FGF7: variants seen among roughly 807,000 people sequenced by gnomAD.
FGF7 encodes the protein fibroblast growth factor 7.
A neutral mutation model predicts 20.5 loss-of-function variants in FGF7; 6 were observed. The ratio of observed to expected loss-of-function variants is 0.29; its 90% CI spans 0.16 to 0.58. The LOEUF is 0.58. FGF7 is among the 20% of genes least tolerant of loss of function. The pLI is 0.90. For missense variants in FGF7, 144 were observed against 228.8 expected (o/e 0.63, Z 2.39); for synonymous variants, 64 against 74.7 (o/e 0.86, Z 0.74).
intron 2 of FGF7, among the ~76,000 whole-genome samples, chr15:49,467,477 GGT>G (rs2054370656): frequency 6.6e-6 from 1 of 151,968 alleles, no homozygotes; most frequent in Non-Finnish European, 1.5e-5. Flanking sequence ...ATGAAAATCT[GGT>G]TTCCTGCTGA....
At chr15:49,461,754 T>G (rs906726370) in intron 2 of FGF7, among the ~76,000 whole-genome samples, 8 of 152,266 alleles carry the variant, frequency 5.3e-5, no homozygotes, top group Non-Finnish European at 7.3e-5. Flanking sequence ...AGATACCATG[T>G]GAAATTCAAG....
At chr15:49,465,627 T>A (rs2054202882) in intron 2 of FGF7, among the ~76,000 whole-genome samples, 2 of 152,110 alleles carry the variant, frequency 1.3e-5, no homozygotes, top group Admixed American at 1.3e-4. Context: ...AAACCAGAGA[T>A]ATTTGGGGTT....
intron 2 of FGF7, among the ~76,000 whole-genome samples, chr15:49,450,063 T>C (rs1341561071): frequency 6.6e-6 from 1 of 152,148 alleles, no homozygotes; most frequent in Non-Finnish European, 1.5e-5. Context: ...GCCAAAGTTG[T>C]ATAAATCCAT....
At chr15:49,454,210 G>C (rs1443265419) in intron 2 of FGF7, among the ~76,000 whole-genome samples, 1 of 152,088 alleles carries the variant, frequency 6.6e-6, no homozygotes, top group East Asian at 1.9e-4. Context: ...CAGAAATACA[G>C]ACTAAATAAA....
chr15:49,483,776 T>A (rs2056161794), intron 3 of FGF7, among the ~76,000 whole-genome samples: 1 of 152,100 alleles, frequency 6.6e-6, no homozygotes, highest in Non-Finnish European at 1.5e-5. Context: ...TTGGCTTTCC[T>A]TTGTATTCCC....
rs1157623124 is a variant in FGF7 at position 49,424,339 on chromosome 15, C to G, written c.42C>G (p.Leu14=). The change falls in exon 2 of 4, where the codon CTC becomes CTG. Residue 14 remains leucine, a synonymous_variant. Transcript: ENST00000267843. The part of the protein sequence containing the change: ...WILTWILPTL[L]YRSCFHIICL... ...TGACATGGATCCTGCCAACTTTGCTCTACAGATCATGCTTTCACATTATCT... is the reference window on the plus strand; with the variant it reads ...TGACATGGATCCTGCCAACTTTGCTGTACAGATCATGCTTTCACATTATCT... 2.5e-6 allele frequency: 4 copies of G among 1,613,588 alleles called. No homozygotes were observed. The highest frequency in any genetic ancestry group is 3.4e-6 in the Non-Finnish European group (4 of 1,179,646).
intron 2 of FGF7, among the ~76,000 whole-genome samples, chr15:49,434,843 A>T (rs909366422): frequency 6.6e-6 from 1 of 151,288 alleles, no homozygotes; most frequent in African/African-American, 2.4e-5. Context: ...ATTAATAAAA[A>T]ACTAATTAAT....
At chr15:49,461,566 T>C (rs1413117738) in intron 2 of FGF7, among the ~76,000 whole-genome samples, 1 of 152,242 alleles carries the variant, frequency 6.6e-6, no homozygotes, top group Non-Finnish European at 1.5e-5. Context: ...AAGAGCCACG[T>C]ACTTCTGTTT....
chr15:49,451,660 A>G (rs1167814383), intron 2 of FGF7, among the ~76,000 whole-genome samples: 1 of 152,186 alleles, frequency 6.6e-6, no homozygotes, highest in Non-Finnish European at 1.5e-5. Context: ...AACACAGCAC[A>G]AGCCAAACTG....
Position 49,446,427 on chromosome 15 carries a change from C to T in FGF7, c.286+21844C>T, listed in dbSNP as rs190147763. ...CCATAGGAAATAATTTGGTAAGTTA[C>T]GATAGTTGCTAGTAAGTTTCATATG... On this transcript the variant is annotated intron_variant, in intron 2 of 3. Transcript: ENST00000267843. 2.1e-3 allele frequency among the ~76,000 whole-genome samples: 321 copies of T among 151,482 alleles called. 2 individuals are homozygous for T. The highest frequency in any genetic ancestry group is 7.2e-3 in the African/African-American group (298 of 41,420).
chr15:49,425,548 G>A (rs912055252), intron 2 of FGF7: 7 of 151,866 alleles, frequency 4.6e-5, no homozygotes, highest in African/African-American at 1.7e-4. Flanking sequence ...CATATTAATT[G>A]TTTTAAAGTC....
intron 2 of FGF7, chr15:49,425,461 G>C (rs1290946451): frequency 6.6e-6 from 1 of 151,900 alleles, no homozygotes. Flanking sequence ...GTACATTAAG[G>C]ATTTAAAATA....
At position 49,485,875 on chromosome 15, in the gene FGF7, G is replaced by A. The variant is rs535938973; in HGVS notation, c.*1371G>A. 1.3e-5 allele frequency: 2 copies of A among 152,148 alleles called. No individual in the cohort carries two copies. Among genetic ancestry groups the A allele is most frequent in the African/African-American group, 4.8e-5 (2 of 41,546 alleles). The allele number at this position is 152,148 out of a possible 1,614,324, so 9.4% of individuals were successfully genotyped here. On this transcript the variant is annotated 3_prime_UTR_variant, in exon 4 of 4. Transcript: ENST00000267843. ...TTTCTAATCTCTAGAAATCTCTGCT[G>A]TTCAAAAGGTGGCAGCACTGAAAGT...
intron 2 of FGF7, among the ~76,000 whole-genome samples, chr15:49,450,413 A>G (rs890560867): frequency 6.6e-6 from 1 of 151,820 alleles, no homozygotes; most frequent in East Asian, 1.9e-4. Flanking sequence ...CCTTATACTG[A>G]CCCTTCAAAA....
chr15:49,437,722 T>C (rs537620072), intron 2 of FGF7, among the ~76,000 whole-genome samples: 43 of 151,846 alleles, frequency 2.8e-4, no homozygotes, highest in Non-Finnish European at 5.5e-4. Flanking sequence ...ACTGAGCATA[T>C]ATTACGTATT....
chr15:49,437,902 C>T (rs1486386291), intron 2 of FGF7, among the ~76,000 whole-genome samples: 1 of 151,530 alleles, frequency 6.6e-6, no homozygotes, highest in African/African-American at 2.4e-5. Flanking sequence ...CTAACAGAAC[C>T]TGGGAGAGAA....
intron 2 of FGF7, among the ~76,000 whole-genome samples, chr15:49,477,170 AAC>A (rs2055418001): frequency 6.6e-6 from 1 of 152,182 alleles, no homozygotes. Context: ...CATTTATTAC[AAC>A]AGATGAGCCA....
chr15:49,484,462 A>G lies in FGF7; in HGVS notation c.543A>G (p.Lys181=). The change falls in exon 4 of 4, where the codon AAA becomes AAG. Residue 181 remains lysine, a synonymous_variant. Coordinates refer to ENST00000267843, the MANE Select transcript of FGF7 (RefSeq NM_002009.4). ...CTGTAAGAGGAAAAAAAACGAAGAA[A>G]GAACAAAAAACAGCCCACTTTCTTC... ...GIPVRGKKTK[K]EQKTAHFLPM... is the part of the protein sequence containing the mutation. 1.3e-6 allele frequency: 2 copies of G among 1,579,752 alleles called. No homozygotes were observed. The highest frequency in any genetic ancestry group is 1.7e-6 in the Non-Finnish European group (2 of 1,172,946).
rs193241237 is a variant in FGF7 at position 49,482,914 on chromosome 15, T to G, written c.287-237T>G. Among the ~76,000 whole-genome samples the G allele has an allele frequency of 9.9e-3, 1,499 of 152,080 alleles. 28 individuals carry two copies. Among genetic ancestry groups the G allele is most frequent in the African/African-American group, 0.034 (1,420 of 41,438 alleles). On this transcript the variant is annotated intron_variant, in intron 2 of 3. Transcript: ENST00000267843. ...GAACTCAAATATGTAACTATTTATT[T>G]GATACAGACACATTTTCTACAAAAT...
Sources: allele counts gnomAD v4.1 joint callset (sites outside exome capture counted in the v4.1 genomes callset), GRCh38; gene constraint gnomAD v4.1.1; transcripts MANE v1.5; gene names NCBI Gene and HGNC (gene_info 2026-07-23, HGNC 2026-07-21).